CDC42SE2: variants seen among roughly 807,000 people sequenced by gnomAD.
CDC42SE2 encodes the protein CDC42 small effector protein 2.
A neutral mutation model predicts 11.5 loss-of-function variants in CDC42SE2; 3 were observed. That is an observed-to-expected ratio of 0.26 (90% CI 0.12 to 0.67). The LOEUF (loss-of-function observed/expected upper bound fraction) is 0.67. Ranked by LOEUF, CDC42SE2 falls within the 30% of genes least tolerant of loss-of-function variation. The pLI, the probability that CDC42SE2 is intolerant of heterozygous loss-of-function variation, is 0.80. For synonymous variants in CDC42SE2, 33 were observed against 34.8 expected, an observed-to-expected ratio of 0.95 and a Z score of 0.18; for missense variants, 82 against 106.8, an observed-to-expected ratio of 0.77 and a Z score of 1.02.
chr5:131,279,333 C>T (rs909470229), intron 1 of CDC42SE2, among the ~76,000 whole-genome samples: 1 of 152,014 alleles, frequency 6.6e-6, no homozygotes, highest in Non-Finnish European at 1.5e-5. Context: ...TCTTCAGATC[C>T]TCTGACAGAG....
At chr5:131,315,430 C>A (rs1328966125) in intron 1 of CDC42SE2, among the ~76,000 whole-genome samples, 1 of 152,144 alleles carries the variant, frequency 6.6e-6, no homozygotes, top group African/African-American at 2.4e-5. Flanking sequence ...GCAGAGTTTG[C>A]AAGCTCAGAT....
intron 2 of CDC42SE2, among the ~76,000 whole-genome samples, chr5:131,342,177 G>A (rs1158625437): frequency 1.3e-5 from 2 of 150,484 alleles, no homozygotes; most frequent in Non-Finnish European, 3.0e-5. Context: ...CTACTCGGGA[G>A]GCTGAGGCAG....
intron 3 of CDC42SE2, among the ~76,000 whole-genome samples, chr5:131,380,752 G>A (rs983830608): frequency 6.6e-6 from 1 of 152,004 alleles, no homozygotes; most frequent in African/African-American, 2.4e-5. Flanking sequence ...CATCTTACAG[G>A]GGAAAAATTC....
chr5:131,310,417 T>G (rs1443951026), intron 1 of CDC42SE2, among the ~76,000 whole-genome samples: 1 of 151,962 alleles, frequency 6.6e-6, no homozygotes, highest in African/African-American at 2.4e-5. Flanking sequence ...AAAAAATGTA[T>G]ATTCTGTTGA....
chr5:131,240,446 T>C, the CDC42SE2 span, among the ~76,000 whole-genome samples: 2 of 152,244 alleles, frequency 1.3e-5, no homozygotes, highest in Non-Finnish European at 2.9e-5. Context: ...CTCTTAGCCT[T>C]CTGCTTTGAG....
intron 1 of CDC42SE2, among the ~76,000 whole-genome samples, chr5:131,289,004 T>C: frequency 6.6e-6 from 1 of 152,240 alleles, no homozygotes; most frequent in East Asian, 1.9e-4. Context: ...GTTAAATGTT[T>C]TGGCTCCTGT....
chr5:131,280,178 T>A (rs1034312419), intron 1 of CDC42SE2, among the ~76,000 whole-genome samples: 2 of 152,224 alleles, frequency 1.3e-5, no homozygotes, highest in African/African-American at 4.8e-5. Flanking sequence ...AATTAAAATA[T>A]GGGGTCTACA....
At chr5:131,230,484 G>A in the CDC42SE2 span, among the ~76,000 whole-genome samples, 5 of 152,350 alleles carry the variant, frequency 3.3e-5, no homozygotes, top group African/African-American at 1.2e-4. Context: ...TCCAAGCCCA[G>A]GAAGTCTGTG....
intron 2 of CDC42SE2, among the ~76,000 whole-genome samples, chr5:131,330,986 A>T (rs376943231): frequency 6.6e-6 from 1 of 152,104 alleles, no homozygotes; most frequent in Non-Finnish European, 1.5e-5. Flanking sequence ...TGATTGCACC[A>T]TTGCCCTGCA....
At chr5:131,305,825 T>C (rs996284933) in intron 1 of CDC42SE2, among the ~76,000 whole-genome samples, 4 of 152,220 alleles carry the variant, frequency 2.6e-5, no homozygotes, top group Non-Finnish European at 4.4e-5. Context: ...AACTAAAAAT[T>C]GCTCAGACCA....
intron 2 of CDC42SE2, among the ~76,000 whole-genome samples, chr5:131,323,967 AT>A (rs1458053870): frequency 6.6e-6 from 1 of 152,052 alleles, no homozygotes; most frequent in Non-Finnish European, 1.5e-5. Context: ...TTGTCTTTAA[AT>A]TTTTTCCTGC....
intron 1 of CDC42SE2, among the ~76,000 whole-genome samples, chr5:131,273,719 G>A (rs1016131991): frequency 6.7e-6 from 1 of 149,886 alleles, no homozygotes; most frequent in Admixed American, 6.6e-5. Flanking sequence ...CTTGCAGTGA[G>A]CCAAGATCGC....
chr5:131,331,574 A>G (rs1461310745), intron 2 of CDC42SE2, among the ~76,000 whole-genome samples: 39 of 152,150 alleles, frequency 2.6e-4, no homozygotes, highest in South Asian at 4.2e-4. Flanking sequence ...TTAACATTCA[A>G]TTTTTTTTCC....
chr5:131,378,797 T>A (rs946686138), intron 3 of CDC42SE2, among the ~76,000 whole-genome samples: 1 of 152,214 alleles, frequency 6.6e-6, no homozygotes, highest in Non-Finnish European at 1.5e-5. Context: ...TCTAGTTCCA[T>A]ACTGACTTTT....
At chr5:131,323,076 C>T (rs568054285) in intron 2 of CDC42SE2, among the ~76,000 whole-genome samples, 25 of 151,988 alleles carry the variant, frequency 1.6e-4, no homozygotes, top group African/African-American at 5.5e-4. Context: ...TGCCCAGGCT[C>T]GAGTATAATG....
the CDC42SE2 span, among the ~76,000 whole-genome samples, chr5:131,219,863 G>A: frequency 6.6e-6 from 1 of 152,158 alleles, no homozygotes; most frequent in Non-Finnish European, 1.5e-5. Context: ...CTTGAGCCCA[G>A]GGGGCAGAGG....
intron 2 of CDC42SE2, among the ~76,000 whole-genome samples, chr5:131,342,388 C>CTTTTTTTTTTTTTTTTTTTTTTTTT (rs35818778): frequency 5.4e-5 from 6 of 111,306 alleles, no homozygotes; most frequent in African/African-American, 2.2e-4. Context: ...TTTTAATAGT[C>CTTTTTTTTTTTTTTTTTTTTTTTTT]TTTTTTTTTT....
chr5:131,213,679 G>A, the CDC42SE2 span, among the ~76,000 whole-genome samples: 11 of 152,106 alleles, frequency 7.2e-5, no homozygotes, highest in African/African-American at 2.7e-4. Flanking sequence ...TTGAACTCCT[G>A]ACCTCAAGTG....
At chr5:131,283,165 G>C (rs1046575181) in intron 1 of CDC42SE2, among the ~76,000 whole-genome samples, 6 of 152,064 alleles carry the variant, frequency 3.9e-5, no homozygotes, top group African/African-American at 1.4e-4. Context: ...GACCTCAGGT[G>C]ATCTGCCCGC....
Sources: allele counts gnomAD v4.1 joint callset (sites outside exome capture counted in the v4.1 genomes callset), GRCh38; gene constraint gnomAD v4.1.1; transcripts MANE v1.5; gene names NCBI Gene and HGNC (gene_info 2026-07-23, HGNC 2026-07-21).